The following DCUN1D4 variants were observed in gnomAD, a reference collection of about 807,000 sequenced individuals.
DCUN1D4 encodes the protein DCN1-like protein 4.
In DCUN1D4, 22 loss-of-function variants were observed where a neutral mutation model predicts 47.9. That is an observed-to-expected ratio of 0.46 (90% CI 0.33 to 0.66). The LOEUF (loss-of-function observed/expected upper bound fraction) is 0.66. Among genes scored for constraint, DCUN1D4 ranks in the 30% least tolerant of loss-of-function variants. DCUN1D4 has a pLI of 0.02. For synonymous variants in DCUN1D4, 121 were observed against 112.2 expected, an observed-to-expected ratio of 1.08 and a Z score of -0.50; for missense variants, 301 against 340.8, an observed-to-expected ratio of 0.88 and a Z score of 0.92.
intron 3 of DCUN1D4, among the ~76,000 whole-genome samples, chr4:51,869,424 G>GTA (rs1489765711): frequency 6.6e-6 from 1 of 152,124 alleles, no homozygotes; most frequent in Admixed American, 6.5e-5. Flanking sequence ...AATGAGCTCC[G>GTA]TAAAATGTTA....
At chr4:51,856,497 T>G (rs1472978972) in intron 1 of DCUN1D4, among the ~76,000 whole-genome samples, 2 of 152,258 alleles carry the variant, frequency 1.3e-5, no homozygotes, top group Non-Finnish European at 2.9e-5. Context: ...AGTGTGTGGT[T>G]GCTTGTTGAC....
intron 8 of DCUN1D4, among the ~76,000 whole-genome samples, chr4:51,906,534 C>G (rs189749337): frequency 4.6e-5 from 7 of 152,272 alleles, no homozygotes; most frequent in Admixed American, 1.3e-4. Context: ...ACACAACCCA[C>G]CCCCAACCTC....
chr4:51,903,342 C>T (rs140373523), intron 8 of DCUN1D4, among the ~76,000 whole-genome samples: 2 of 152,202 alleles, frequency 1.3e-5, no homozygotes, highest in South Asian at 2.1e-4. Flanking sequence ...TCTGCATTGT[C>T]TTTCATCATG....
chr4:51,863,542 G>C, intron 2 of DCUN1D4, 35 bp downstream of exon 2: 1 of 1,582,042 alleles, frequency 6.3e-7, no homozygotes. Flanking sequence ...ATTACCAACT[G>C]TTTGAAGTAG....
chr4:51,891,682 TTAA>T (rs1422324488), intron 6 of DCUN1D4, 75 bp from the exon 7 acceptor site: 2 of 1,151,700 alleles, frequency 1.7e-6, no homozygotes, highest in Non-Finnish European at 2.5e-6. Context: ...CGTTAATGTA[TTAA>T]TGACAGATCT....
At chr4:51,891,931 G>C in intron 7 of DCUN1D4, 80 bp downstream of exon 7, 1 of 1,075,972 alleles carries the variant, frequency 9.3e-7, no homozygotes, top group Non-Finnish European at 1.4e-6. Context: ...TTCAGGAGGT[G>C]ATTGAGTGAG....
intron 8 of DCUN1D4, among the ~76,000 whole-genome samples, chr4:51,900,816 G>C (rs1264494281): frequency 1.3e-5 from 2 of 151,964 alleles, no homozygotes; most frequent in African/African-American, 2.4e-5. Context: ...AGTATGGGTA[G>C]AAATTCATTT....
chr4:51,853,004 C>G (rs1723591572), intron 1 of DCUN1D4, among the ~76,000 whole-genome samples: 2 of 152,270 alleles, frequency 1.3e-5, no homozygotes, highest in South Asian at 4.2e-4. Context: ...TAGTACAGAT[C>G]ATTTGTGCTC....
intron 1 of DCUN1D4, chr4:51,844,229 C>T (rs1722116796): frequency 1.4e-6 from 1 of 723,640 alleles, no homozygotes. Context: ...GGGTGTCAGA[C>T]TGTGCTTAGG....
chr4:51,850,899 G>A (rs1723267312), intron 1 of DCUN1D4, among the ~76,000 whole-genome samples: 1 of 152,134 alleles, frequency 6.6e-6, no homozygotes, highest in Admixed American at 6.5e-5. Flanking sequence ...CTCAGAGTGG[G>A]GAGCAGGCCT....
intron 3 of DCUN1D4, among the ~76,000 whole-genome samples, chr4:51,873,426 A>G (rs900577546): frequency 3.3e-5 from 5 of 152,192 alleles, no homozygotes; most frequent in Non-Finnish European, 5.9e-5. Context: ...TGTAGTTTAT[A>G]ACTTAAGACG....
intron 8 of DCUN1D4, among the ~76,000 whole-genome samples, chr4:51,901,440 C>T (rs983680303): frequency 1.3e-5 from 2 of 152,340 alleles, no homozygotes; most frequent in Admixed American, 6.5e-5. Context: ...TCCCAAGCTT[C>T]CCCACTCAAC....
chr4:51,911,187 TG>T lies in DCUN1D4; in HGVS notation c.720+14del. 6.2e-7 allele frequency: 1 copy of T among 1,600,914 alleles called. No homozygotes were observed. The highest frequency in any genetic ancestry group is 8.5e-7 in the Non-Finnish European group (1 of 1,171,880). On this transcript the variant is annotated intron_variant, in intron 9 of 10. Coordinates refer to ENST00000334635, the MANE Select transcript of DCUN1D4 (RefSeq NM_001040402.3). ...CCAATTCTTAGAGGTACCAAATTGT[TG>T]TTTTATGAAATGTATGTTTGCTTGC...
chr4:51,889,122 AAG>A (rs901564973), intron 6 of DCUN1D4, among the ~76,000 whole-genome samples: 13 of 152,204 alleles, frequency 8.5e-5, no homozygotes, highest in African/African-American at 3.1e-4. Flanking sequence ...AAAGAAAAAA[AAG>A]AGAGAATATT....
In DCUN1D4 at chr4:51,859,011, C is replaced by T. The variant is rs1724581794; in HGVS notation, c.26-4426C>T. On this transcript the variant is annotated intron_variant, in intron 1 of 10. Coordinates refer to ENST00000334635, the MANE Select transcript of DCUN1D4 (RefSeq NM_001040402.3). ...CATCCTCATTCTTTTTCAACAATTT[C>T]TTGGCAGGCCTAACATGTTTATTTC... Among the ~76,000 whole-genome samples, 5 of 152,196 alleles carry T rather than the reference C, an allele frequency of 3.3e-5. No individual in the cohort carries two copies. In the South Asian group the frequency reaches 1.0e-3, roughly 32 times the overall value.
At chr4:51,843,986 G>A (rs957599110) in intron 1 of DCUN1D4, among the ~76,000 whole-genome samples, 2 of 150,910 alleles carry the variant, frequency 1.3e-5, no homozygotes, top group Non-Finnish European at 3.0e-5. Context: ...GGTGGGTAAC[G>A]GAGAGTGGTG....
At chr4:51,863,142 T>G (rs906621751) in intron 1 of DCUN1D4, among the ~76,000 whole-genome samples, 2 of 152,378 alleles carry the variant, frequency 1.3e-5, no homozygotes, top group Middle Eastern at 3.4e-3. Flanking sequence ...TTGAGACTTA[T>G]CTTTCTATTA....
At chr4:51,905,319 A>T (rs2110118638) in intron 8 of DCUN1D4, 1 of 414,722 alleles carries the variant, frequency 2.4e-6, no homozygotes, top group African/African-American at 2.0e-5. Context: ...CTTGACGTCC[A>T]GGCCAGTGTC....
upstream of DCUN1D4, among the ~76,000 whole-genome samples, chr4:51,839,477 C>A (rs913517676): frequency 6.6e-6 from 1 of 152,084 alleles, no homozygotes; most frequent in South Asian, 2.1e-4. Context: ...GAGTAGTGCC[C>A]GTCACATAGG....
Sources: allele counts gnomAD v4.1 joint callset (sites outside exome capture counted in the v4.1 genomes callset), GRCh38; gene constraint gnomAD v4.1.1; transcripts MANE v1.5; gene names NCBI Gene and HGNC (gene_info 2026-07-23, HGNC 2026-07-21).